BEGAIN: variants seen among roughly 807,000 people sequenced by gnomAD.
The protein encoded by BEGAIN is brain enriched guanylate kinase associated.
A neutral mutation model predicts 35.8 loss-of-function variants in BEGAIN; 19 were observed. That is an observed-to-expected ratio of 0.53 (90% CI 0.37 to 0.78). BEGAIN has a LOEUF of 0.78. Among genes scored for constraint, BEGAIN ranks in the 30% least tolerant of loss-of-function variants. The pLI is 0.00. For synonymous variants in BEGAIN, 462 were observed against 388.6 expected (o/e 1.19, Z -2.22); for missense variants, 795 against 853.6 (o/e 0.93, Z 0.85).
intron 2 of BEGAIN, among the ~76,000 whole-genome samples, chr14:100,557,960 C>T (rs61151434): frequency 0.011 from 1,677 of 152,268 alleles, 52 homozygotes; most frequent in African/African-American, 0.038. Flanking sequence ...CACCCGGTGC[C>T]GCCCACCGTT....
At chr14:100,566,206 C>G (rs1015346618) in intron 2 of BEGAIN, among the ~76,000 whole-genome samples, 4 of 152,230 alleles carry the variant, frequency 2.6e-5, no homozygotes, top group Non-Finnish European at 5.9e-5. Context: ...GCCACTGCCT[C>G]CAGCCTTTAT....
At chr14:100,565,021 A>C (rs1256758324) in intron 2 of BEGAIN, among the ~76,000 whole-genome samples, 2 of 152,146 alleles carry the variant, frequency 1.3e-5, no homozygotes, top group Admixed American at 6.5e-5. Context: ...CCAATACCCC[A>C]GGCCAGGGTT....
intron 2 of BEGAIN, among the ~76,000 whole-genome samples, chr14:100,566,191 C>A (rs2034667179): frequency 6.6e-6 from 1 of 152,254 alleles, no homozygotes; most frequent in Non-Finnish European, 1.5e-5. Flanking sequence ...GGAGCCCAGG[C>A]CCTGGCCACT....
intron 4 of BEGAIN, among the ~76,000 whole-genome samples, chr14:100,544,330 C>T (rs564727377): frequency 3.2e-4 from 48 of 152,294 alleles, no homozygotes; most frequent in African/African-American, 9.9e-4. Flanking sequence ...AGGAAAGGGC[C>T]GGTGTCCAGG....
Position 100,568,646 on chromosome 14 carries a change from C to G in BEGAIN, c.43-707G>C, listed in dbSNP as rs1378215742. 1.8e-6 allele frequency: 1 copy of G among 550,540 alleles called. No homozygotes were observed. Among genetic ancestry groups the G allele is most frequent in the East Asian group, 1.5e-4 (1 of 6,770 alleles). 34.1% of individuals were successfully genotyped at this position (550,540 alleles called of 1,614,324 possible). Reference sequence around the variant, plus strand: ...CTTGGAGACCCTCCCTGCCCAGCCCCGCTCAGCCGGGCAGCCCCTCCGCGC... The same window carrying G: ...CTTGGAGACCCTCCCTGCCCAGCCCGGCTCAGCCGGGCAGCCCCTCCGCGC... On this transcript the variant is annotated intron_variant, in intron 1 of 6. Transcript: ENST00000554140. The surrounding 1 kb of genome is among the most constrained non-coding windows in gnomAD (Gnocchi z 7.5).
At chr14:100,565,398 A>G (rs2034605061) in intron 2 of BEGAIN, among the ~76,000 whole-genome samples, 2 of 152,168 alleles carry the variant, frequency 1.3e-5, no homozygotes, top group Non-Finnish European at 2.9e-5. Flanking sequence ...CAGGGAAGAG[A>G]GACCCCTCAA....
At chr14:100,570,159 T>C (rs1209035578) in intron 1 of BEGAIN, among the ~76,000 whole-genome samples, 1 of 152,238 alleles carries the variant, frequency 6.6e-6, no homozygotes. Context: ...AGGGAGTTTG[T>C]CTAAAATTAA....
chr14:100,538,653 T>C lies in BEGAIN; in HGVS notation c.1155A>G (p.Pro385=). ...ACGGTGACATGGTCCGCCCGAAGCC[T>C]GGGGCCACTTCGGCCTCCAGCGGGG... ...VAAPLEAEVA[P]GFGRTMSPYP... The change falls in exon 7 of 7, where the codon CCA becomes CCG. Residue 385 remains proline (P), a synonymous_variant. Transcript: ENST00000554140. 6.5e-7 allele frequency: 1 copy of C among 1,550,364 alleles called. No individual in the cohort carries two copies. The highest frequency in any genetic ancestry group is 8.7e-7 in the Non-Finnish European group (1 of 1,146,810).
chr14:100,558,222 T>TG lies in BEGAIN; in HGVS notation c.71+9688_71+9689insC, dbSNP rs2033930321. Among the ~76,000 whole-genome samples the TG allele has an allele frequency of 3.3e-5, 5 of 152,280 alleles. No homozygotes were observed. In the South Asian group the frequency reaches 1.0e-3, roughly 32 times the overall value. Reference sequence around the variant, plus strand: ...GTCTGACCTTTCTGCCTCTGCCTCCTTACTCCTAGCCTGCCGGGATGGGAC... The same window carrying TG: ...GTCTGACCTTTCTGCCTCTGCCTCCTGTACTCCTAGCCTGCCGGGATGGGAC... On this transcript the variant is annotated intron_variant, in intron 2 of 6. Transcript: ENST00000554140. This position sits in a 1 kb window ranked among gnomAD's most constrained non-coding sequence, Gnocchi z 4.6.
In BEGAIN at chr14:100,538,155, G is replaced by A; in HGVS notation, c.1653C>T (p.Ala551=). 1 of 1,534,906 alleles carries A rather than the reference G, an allele frequency of 6.5e-7. No individual in the cohort carries two copies. Among genetic ancestry groups the A allele is most frequent in the East Asian group, 2.3e-5 (1 of 42,810 alleles). ...AACCCTGCTCGGGCTCAGGGCTGCT[G>A]GCGGTCCCACACAGCTGCACCCCGA... ...DRLGVQLCGT[A]SSPEPEQGSR... is the part of the protein sequence containing the mutation. The change falls in exon 7 of 7, where the codon GCC becomes GCT. Residue 551 remains alanine (A), a synonymous_variant. Coordinates refer to ENST00000554140, the MANE Select transcript of BEGAIN (RefSeq NM_001385089.1).
chr14:100,569,044 C>A, intron 1 of BEGAIN: 1 of 730,398 alleles, frequency 1.4e-6, no homozygotes, highest in Non-Finnish European at 1.7e-6. Context: ...GCCGCAGCGC[C>A]AAGCTAGAAG....
In BEGAIN at chr14:100,540,482, C is replaced by T. The variant is rs538351414; in HGVS notation, c.492+14G>A. The T allele has an allele frequency of 1.3e-5, 21 of 1,575,358 alleles. 1 individual carries two copies. Among genetic ancestry groups the T allele is most frequent in the South Asian group, 1.3e-4 (11 of 86,930 alleles). On this transcript the variant is annotated intron_variant, in intron 6 of 6. Coordinates refer to ENST00000554140, the MANE Select transcript of BEGAIN (RefSeq NM_001385089.1). ...TCCCGGGGCGGGGTGGGCCTGGCTG[C>T]GGGGCCACGTTACCTCAGACACCTT...
At chr14:100,585,144 T>A (rs2035406433) in intron 1 of BEGAIN, among the ~76,000 whole-genome samples, 1 of 152,076 alleles carries the variant, frequency 6.6e-6, no homozygotes, top group African/African-American at 2.4e-5. Flanking sequence ...GGGTAATGAT[T>A]TGTGGACTGT....
At chr14:100,550,808 G>A (rs755284617) in intron 2 of BEGAIN, among the ~76,000 whole-genome samples, 6 of 152,186 alleles carry the variant, frequency 3.9e-5, no homozygotes, top group Non-Finnish European at 8.8e-5. Flanking sequence ...CTGGTCACTC[G>A]CTCAGTGCCT....
intron 1 of BEGAIN, chr14:100,569,885 C>T (rs1022948039): frequency 3.2e-5 from 5 of 154,366 alleles, no homozygotes; most frequent in African/African-American, 1.2e-4. Context: ...AGGCCACCCT[C>T]AGCAGAATGG....
intron 1 of BEGAIN, among the ~76,000 whole-genome samples, chr14:100,578,916 C>T (rs1820982117): frequency 7.1e-6 from 1 of 141,190 alleles, no homozygotes; most frequent in African/African-American, 2.7e-5. Flanking sequence ...GGCTGGATTA[C>T]AATGGCATGA....
chr14:100,580,589 T>C (rs1024696792), intron 1 of BEGAIN, among the ~76,000 whole-genome samples: 6 of 152,130 alleles, frequency 3.9e-5, no homozygotes, highest in Non-Finnish European at 8.8e-5. Flanking sequence ...CCAGCTGACC[T>C]TCAGGGTCCC....
At chr14:100,574,123 C>T (rs768920974) in intron 1 of BEGAIN, among the ~76,000 whole-genome samples, 11 of 152,162 alleles carry the variant, frequency 7.2e-5, no homozygotes, top group Non-Finnish European at 1.5e-4. Flanking sequence ...GTGCTGGGCA[C>T]GTGGTGGGGT....
intron 1 of BEGAIN, among the ~76,000 whole-genome samples, chr14:100,578,436 A>G (rs1356039549): frequency 1.3e-5 from 2 of 152,226 alleles, no homozygotes; most frequent in Non-Finnish European, 2.9e-5. Context: ...CAGCAAATGG[A>G]AGGGGGTGGC....
Sources: gnomAD v4.1 joint callset for allele counts (sites outside exome capture counted in the v4.1 genomes callset) on GRCh38, gnomAD v4.1.1 for gene constraint, Gnocchi (gnomAD v3.1) non-coding constraint, MANE v1.5 for transcripts, NCBI Gene and HGNC (gene_info 2026-07-23, HGNC 2026-07-21) for gene names.